Variants in STPG2 observed in about 807,000 individuals in gnomAD.
The protein encoded by STPG2 is sperm-tail PG-rich repeat-containing protein 2.
Under a neutral mutation model 54.2 loss-of-function variants are expected in STPG2, and 56 were observed. The observed-to-expected ratio is 1.03, with a 90% confidence interval of 0.83 to 1.29. STPG2 has a LOEUF of 1.29. Among genes scored for constraint, STPG2 ranks in the 50% most tolerant of loss-of-function variants. The probability of loss-of-function intolerance (pLI) is 0.00; values close to 1 mark genes in which losing one functional copy is unlikely to be tolerated. For missense variants in STPG2, 596 were observed against 544.9 expected (o/e 1.09, Z -0.93); for synonymous variants, 200 against 181.8 (o/e 1.10, Z -0.81).
At chr4:97,711,451 A>G (rs543486215) in intron 10 of STPG2, among the ~76,000 whole-genome samples, 9 of 152,244 alleles carry the variant, frequency 5.9e-5, no homozygotes, top group African/African-American at 2.2e-4. Context: ...TCCACCTTCG[A>G]AAATAGTACT....
intron 10 of STPG2, among the ~76,000 whole-genome samples, chr4:97,582,666 A>C (rs1163662703): frequency 6.6e-6 from 1 of 152,064 alleles, no homozygotes; most frequent in Non-Finnish European, 1.5e-5. Flanking sequence ...ATAACTGAGC[A>C]AAAGATATAG....
At chr4:97,611,204 T>G (rs7700212) in intron 10 of STPG2, among the ~76,000 whole-genome samples, 19,462 of 151,714 alleles carry the variant, frequency 0.13, 3,831 homozygotes, top group African/African-American at 0.42. Flanking sequence ...TGTTACCTAC[T>G]AGGTGCTGAT....
chr4:97,540,212 A>G (rs1219476308), intron 4 of STPG2, among the ~76,000 whole-genome samples: 1 of 152,180 alleles, frequency 6.6e-6, no homozygotes, highest in African/African-American at 2.4e-5. Flanking sequence ...GATCCACAAA[A>G]TTGATAGATT....
chr4:97,901,144 G>C (rs559877320), intron 8 of STPG2, among the ~76,000 whole-genome samples: 1 of 151,886 alleles, frequency 6.6e-6, no homozygotes, highest in African/African-American at 2.4e-5. Flanking sequence ...TAGGATGATT[G>C]ACATATTTAT....
At chr4:97,791,182 T>C (rs1726979666) in intron 9 of STPG2, among the ~76,000 whole-genome samples, 1 of 152,158 alleles carries the variant, frequency 6.6e-6, no homozygotes, top group Non-Finnish European at 1.5e-5. Context: ...TGCAATGAGA[T>C]GGAAAACTGT....
At chr4:97,806,108 C>T (rs1272758264) in intron 9 of STPG2, among the ~76,000 whole-genome samples, 1 of 152,050 alleles carries the variant, frequency 6.6e-6, no homozygotes, top group Admixed American at 6.6e-5. Context: ...AACCTAGATG[C>T]CCAACAGTGG....
rs920095773 is a variant in STPG2, at chr4:97,523,142, T to C, written c.462+189557A>G. On this transcript the variant is annotated intron_variant, in intron 4 of 4. Coordinates refer to the STPG2 transcript ENST00000522676. ...TATAAATAGCACATGGTATTTGACA[T>C]TTTTCTACTATTTTATAGCTTAGAA... Among the ~76,000 whole-genome samples, 35 of 152,066 alleles carry C rather than the reference T, an allele frequency of 2.3e-4. 1 individual carries two copies. Among genetic ancestry groups the C allele is most frequent in the African/African-American group, 7.5e-4 (31 of 41,542 alleles).
chr4:97,973,092 A>G (rs783957), intron 6 of STPG2, among the ~76,000 whole-genome samples: 126,966 of 152,130 alleles, frequency 0.83, 53,166 homozygotes, highest in Middle Eastern at 0.94. Context: ...ACAGTTTAGA[A>G]GGCTCAGAAG....
intron 4 of STPG2, among the ~76,000 whole-genome samples, chr4:97,531,319 T>C (rs866050156): frequency 1.3e-5 from 2 of 152,076 alleles, no homozygotes; most frequent in South Asian, 4.1e-4. Context: ...AAACTAAAAA[T>C]AGAGCTACTA....
chr4:97,535,998 CTA>C (rs1731520271), intron 4 of STPG2, among the ~76,000 whole-genome samples: 1 of 152,048 alleles, frequency 6.6e-6, no homozygotes, highest in African/African-American at 2.4e-5. Context: ...CAGGGCCTGG[CTA>C]TGTTTCTCAG....
chr4:97,515,438 G>A (rs1195605328), intron 4 of STPG2, among the ~76,000 whole-genome samples: 1 of 151,942 alleles, frequency 6.6e-6, no homozygotes, highest in Non-Finnish European at 1.5e-5. Context: ...TGTGTTTGTG[G>A]GTGCTTAGAG....
intron 8 of STPG2, among the ~76,000 whole-genome samples, chr4:97,874,357 T>A (rs1433415857): frequency 6.6e-6 from 1 of 151,722 alleles, no homozygotes; most frequent in Non-Finnish European, 1.5e-5. Context: ...TTTTTGCAAC[T>A]TTGCTCATGT....
chr4:97,446,889 T>C (rs530361629), intron 4 of STPG2, among the ~76,000 whole-genome samples: 1 of 152,248 alleles, frequency 6.6e-6, no homozygotes, highest in East Asian at 1.9e-4. Context: ...GGCAGGAAAT[T>C]GGTACAAGAA....
At chr4:97,599,799 G>A (rs1733407792) in intron 10 of STPG2, among the ~76,000 whole-genome samples, 1 of 146,144 alleles carries the variant, frequency 6.8e-6, no homozygotes, top group African/African-American at 2.6e-5. Flanking sequence ...ACTCCAGCCT[G>A]GGTGACAGTG....
At chr4:97,637,823 G>A (rs142780884) in intron 10 of STPG2, among the ~76,000 whole-genome samples, 2 of 151,984 alleles carry the variant, frequency 1.3e-5, no homozygotes, top group Admixed American at 1.3e-4. Context: ...ACTACAAACT[G>A]CTGCTCAAGG....
chr4:97,686,146 G>A (rs1393093917), intron 10 of STPG2, among the ~76,000 whole-genome samples: 2 of 152,056 alleles, frequency 1.3e-5, no homozygotes, highest in African/African-American at 2.4e-5. Flanking sequence ...TCATGAACAC[G>A]GTGTCCTGTC....
chr4:97,669,067 G>A (rs1052328015), intron 10 of STPG2, among the ~76,000 whole-genome samples: 2 of 151,930 alleles, frequency 1.3e-5, no homozygotes, highest in East Asian at 1.9e-4. Flanking sequence ...GGAAGAAGTC[G>A]TGTTTCAGAA....
intron 4 of STPG2, among the ~76,000 whole-genome samples, chr4:97,473,932 A>G (rs1406679637): frequency 6.6e-6 from 1 of 152,114 alleles, no homozygotes; most frequent in African/African-American, 2.4e-5. Flanking sequence ...AATTGGTCCC[A>G]GAGGTTAGGG....
intron 10 of STPG2, among the ~76,000 whole-genome samples, chr4:97,616,689 T>C (rs994963358): frequency 2.6e-5 from 4 of 152,152 alleles, no homozygotes; most frequent in African/African-American, 2.4e-5. Flanking sequence ...ATGATGTCAG[T>C]ATGGCTTGGT....
Sources: allele counts gnomAD v4.1 joint callset (sites outside exome capture counted in the v4.1 genomes callset), GRCh38; gene constraint gnomAD v4.1.1; transcripts MANE v1.5; gene names NCBI Gene and HGNC (gene_info 2026-07-23, HGNC 2026-07-21).